ZNF224: variants seen among roughly 807,000 people sequenced by gnomAD.
ZNF224 encodes the protein zinc finger protein 224.
ZNF224 carries 8 observed loss-of-function variants against 10.5 expected under a neutral mutation model. The observed-to-expected ratio is 0.76, with a 90% CI of 0.45 to 1.37. The LOEUF (loss-of-function observed/expected upper bound fraction) is 1.37. ZNF224 is among the 40% of genes most tolerant of loss of function. ZNF224 has a pLI of 0.00. For synonymous variants in ZNF224, 282 were observed against 287.8 expected (o/e 0.98, Z 0.20); for missense variants, 754 against 854.0 (o/e 0.88, Z 1.46).
rs1280729832 is a variant in ZNF224 at position 44,106,967 on chromosome 19, CATTCACG to C, written c.812_818del (p.His271ProfsTer64). The C allele has an allele frequency of 1.9e-6, 3 of 1,610,426 alleles. No homozygotes were observed. ...ATTGTGAGGAATGCGGGAAGGCCTT[CATTCACG>C]ATTCCCAGCTTCAAGAACATCAGAG... On this transcript the variant is annotated frameshift_variant, in exon 6 of 6. Transcript: ENST00000693561. LOFTEE classifies it low-confidence loss of function (END_TRUNC).
rs965234289 is a variant in ZNF224, at chr19:44,100,832, T to A, written c.47T>A (p.Val16Asp). 11 of 1,613,980 alleles carry A rather than the reference T, an allele frequency of 6.8e-6. No homozygotes were observed. Among genetic ancestry groups the A allele is most frequent in the African/African-American group, 1.3e-5 (1 of 74,990 alleles). The part of the protein sequence containing the change: ...EAMTFKDVAV[V>D]FTEEELGLLD... Reference sequence around the variant, plus strand: ...ATGACCTTCAAGGACGTGGCTGTGGTCTTCACTGAGGAAGAGCTGGGGCTG... The same window carrying A: ...ATGACCTTCAAGGACGTGGCTGTGGACTTCACTGAGGAAGAGCTGGGGCTG... The change falls in exon 4 of 6, where the codon GTC (valine) becomes GAC (aspartate). Residue 16 changes from valine to aspartate, a missense_variant. Transcript: ENST00000693561.
chr19:44,098,674 C>T (rs1409613561), intron 3 of ZNF224, among the ~76,000 whole-genome samples: 2 of 151,968 alleles, frequency 1.3e-5, no homozygotes, highest in Non-Finnish European at 2.9e-5. Context: ...GCCTCTGCCT[C>T]CCAGGTTCGA....
Position 44,106,661 on chromosome 19 carries a change from A to G in ZNF224, c.501A>G (p.Gln167=), listed in dbSNP as rs1967669893. 6.3e-7 allele frequency: 1 copy of G among 1,594,146 alleles called. No individual in the cohort carries two copies. The highest frequency in any genetic ancestry group is 8.6e-7 in the Non-Finnish European group (1 of 1,169,414). The change falls in exon 6 of 6, where the codon CAA becomes CAG. Residue 167 remains glutamine, a synonymous_variant. Coordinates refer to ENST00000693561, the MANE Select transcript of ZNF224 (RefSeq NM_001321645.3). ...ATGTCTCCCACTTTGATTTTCATCA[A>G]CAATTACACTCAGGAGAGAAATCTC... ...FSDVSHFDFH[Q]QLHSGEKSHT...
intron 3 of ZNF224, among the ~76,000 whole-genome samples, chr19:44,100,322 G>A (rs569808050): frequency 2.6e-5 from 4 of 152,118 alleles, no homozygotes; most frequent in Non-Finnish European, 5.9e-5. Context: ...GAGTATAGAG[G>A]ACTCACTGCA....
Position 44,101,549 on chromosome 19 carries a change from C to G in ZNF224, c.235+324C>G, listed in dbSNP as rs141644693. 1.0e-3 allele frequency among the ~76,000 whole-genome samples: 156 copies of G among 152,342 alleles called. 2 individuals are homozygous for G. The highest frequency in any genetic ancestry group is 3.5e-3 in the African/African-American group (145 of 41,582). ...GCTCTTCATCCCCTCCCTGCCACCT[C>G]TCTAACTACATCTCCTGTCCTCTCC... On this transcript the variant is annotated intron_variant, in intron 5 of 5. Transcript: ENST00000693561.
At chr19:44,096,655 T>A (rs1967440481) in intron 2 of ZNF224, among the ~76,000 whole-genome samples, 1 of 152,236 alleles carries the variant, frequency 6.6e-6, no homozygotes, top group Non-Finnish European at 1.5e-5. Context: ...ATTTTTCACT[T>A]AAGGTTCTTA....
At chr19:44,096,225 A>G (rs1305504749) in intron 1 of ZNF224, 118 bp from the exon 2 acceptor site, 1 of 152,126 alleles carries the variant, frequency 6.6e-6, no homozygotes, top group Non-Finnish European at 1.5e-5. Flanking sequence ...TTTTATTTTC[A>G]TGTCATTTGA....
intron 5 of ZNF224, among the ~76,000 whole-genome samples, chr19:44,103,989 C>G (rs1242860974): frequency 6.6e-6 from 1 of 152,152 alleles, no homozygotes; most frequent in Non-Finnish European, 1.5e-5. Context: ...CTGTGCCTAG[C>G]CTCTGGTCTT....
chr19:44,100,153 G>A (rs1488505928), intron 3 of ZNF224, among the ~76,000 whole-genome samples: 7 of 152,152 alleles, frequency 4.6e-5, no homozygotes, highest in Non-Finnish European at 8.8e-5. Context: ...TATATCATGT[G>A]ACGATCATTA....
intron 2 of ZNF224, chr19:44,097,068 A>G: frequency 4.2e-6 from 1 of 240,280 alleles, no homozygotes; most frequent in South Asian, 4.6e-5. Context: ...GCTGTCTTTC[A>G]GATTTCTCCA....
At position 44,109,071 on chromosome 19, in the gene ZNF224, A is replaced by G. The variant is rs1967772370; in HGVS notation, c.*787A>G. ...TGTCCATTGCTTGTATACGGTATAAATTTAATTATCTTTTGTAGTTTTTCT... is the reference window on the plus strand; with the variant it reads ...TGTCCATTGCTTGTATACGGTATAAGTTTAATTATCTTTTGTAGTTTTTCT... On this transcript the variant is annotated 3_prime_UTR_variant, in exon 6 of 6. Transcript: ENST00000693561. 3 of 163,674 alleles carry G rather than the reference A, an allele frequency of 1.8e-5. No individual in the cohort carries two copies. Among genetic ancestry groups the G allele is most frequent in the Non-Finnish European group, 4.0e-5 (3 of 74,656 alleles). The allele number at this position is 163,674 out of a possible 1,614,324, so 10.1% of individuals were successfully genotyped here.
rs181803845 is a variant in ZNF224 at position 44,106,820 on chromosome 19, A to G, written c.660A>G (p.Gln220=). The change falls in exon 6 of 6, where the codon CAA becomes CAG. Residue 220 remains glutamine, a synonymous_variant. Coordinates refer to ENST00000693561, the MANE Select transcript of ZNF224 (RefSeq NM_001321645.3). ...AATTCAGTCAGAGTTCACATCTGCA[A>G]ACTCATCAGAGAGTCCACACTGGAG... ...GKEFSQSSHL[Q]THQRVHTGEK... The G allele has an allele frequency of 4.5e-4, 733 of 1,613,868 alleles. 5 individuals are homozygous for G. The Admixed American group carries it at 9.3e-3, about 21-fold the overall frequency.
intron 5 of ZNF224, 177 bp from the exon 6 acceptor site, chr19:44,106,219 T>A: frequency 1.6e-6 from 1 of 633,984 alleles, no homozygotes. Context: ...TTACATATGA[T>A]ACTTGGTTTA....
chr19:44,100,876 A>C lies in ZNF224; in HGVS notation c.91A>C (p.Lys31Gln), dbSNP rs1967536045. The change falls in exon 4 of 6, where the codon AAG becomes CAG. Residue 31 changes from lysine to glutamine, a missense_variant. Transcript: ENST00000693561. ...GGGGCTGCTGGACCTTGCTCAGAGG[A>C]AGCTGTATCGAGATGTGATGCTGGA... ...ELGLLDLAQR[K>Q]LYRDVMLENF... The C allele has an allele frequency of 6.2e-7, 1 of 1,613,970 alleles. No individual in the cohort carries two copies. The highest frequency in any genetic ancestry group is 1.3e-5 in the African/African-American group (1 of 74,892).
chr19:44,097,357 C>T (rs1967458060), intron 2 of ZNF224, among the ~76,000 whole-genome samples: 1 of 152,208 alleles, frequency 6.6e-6, no homozygotes, highest in Non-Finnish European at 1.5e-5. Flanking sequence ...CACCACAATT[C>T]GGTGATCATT....
In ZNF224 at chr19:44,108,384, TA is replaced by T; in HGVS notation, c.*102del. 1 of 1,211,826 alleles carries T rather than the reference TA, an allele frequency of 8.3e-7. No individual in the cohort carries two copies. Among genetic ancestry groups the T allele is most frequent in the Middle Eastern group, 2.0e-4 (1 of 5,056 alleles). 75.1% of individuals were successfully genotyped at this position (1,211,826 alleles called of 1,614,324 possible). On this transcript the variant is annotated 3_prime_UTR_variant, in exon 6 of 6. Coordinates refer to ENST00000693561, the MANE Select transcript of ZNF224 (RefSeq NM_001321645.3). ...ACACATTAAAATATGAGGCACATAG[TA>T]AGCACTTCCCTTTGAGTATTTTATC...
Position 44,097,838 on chromosome 19 carries a change from TC to T in ZNF224, c.-35del, listed in dbSNP as rs1220445889. ...TCTGCTTTCCCAGGAACTGCATCAC[TC>T]AGGACTCTGCAAGTTTCCAGAAGTA... On this transcript the variant is annotated 5_prime_UTR_variant, in exon 3 of 6. Coordinates refer to ENST00000693561, the MANE Select transcript of ZNF224 (RefSeq NM_001321645.3). The T allele has an allele frequency of 6.2e-7, 1 of 1,613,784 alleles. No homozygotes were observed. Among genetic ancestry groups the T allele is most frequent in the Non-Finnish European group, 8.5e-7 (1 of 1,179,806 alleles).
In ZNF224 at chr19:44,108,081, G is replaced by A; in HGVS notation, c.1921G>A (p.Val641Met). Residue 641 changes from valine (V) to methionine (M), a missense_variant, in exon 6 of 6, where the codon GTG becomes ATG. Coordinates refer to ENST00000693561, the MANE Select transcript of ZNF224 (RefSeq NM_001321645.3). The stretch of plus-strand genomic sequence containing the variant: ...CATTGTACAGAATTCATTCTCTAAA[G>A]TGCAAGAAAAAGTTCACAGTGTAGA... ...KNIVQNSFSKVQEKVHSVEKP... is the reference protein window; with the variant it reads ...KNIVQNSFSKMQEKVHSVEKP... 1 of 1,611,820 alleles carries A rather than the reference G, an allele frequency of 6.2e-7. No homozygotes were observed. The highest frequency in any genetic ancestry group is 8.5e-7 in the Non-Finnish European group (1 of 1,178,492).
At position 44,104,637 on chromosome 19, in the gene ZNF224, G is replaced by A. The variant is rs117733919; in HGVS notation, c.236-1759G>A. Among the ~76,000 whole-genome samples the A allele has an allele frequency of 0.022, 3,299 of 150,928 alleles. 315 individuals carry two copies. In the East Asian group the frequency reaches 0.32, roughly 15 times the overall value. On this transcript the variant is annotated intron_variant, in intron 5 of 5. Coordinates refer to ENST00000693561, the MANE Select transcript of ZNF224 (RefSeq NM_001321645.3). The stretch of plus-strand genomic sequence containing the variant: ...TAAGGTGTGACGTAGAGGGTACAGC[G>A]AATCAGGGAAGCTCACCTGAGCCCT...
Sources: allele counts gnomAD v4.1 joint callset (sites outside exome capture counted in the v4.1 genomes callset), GRCh38; gene constraint gnomAD v4.1.1; transcripts MANE v1.5; gene names NCBI Gene and HGNC (gene_info 2026-07-23, HGNC 2026-07-21).